Variants in CHN2 observed in about 807,000 individuals in gnomAD.
CHN2 encodes the protein beta-chimaerin.
A neutral mutation model predicts 56.3 loss-of-function variants in CHN2; 35 were observed. The observed-to-expected ratio is 0.62, with a 90% CI of 0.47 to 0.82. The LOEUF (loss-of-function observed/expected upper bound fraction) is 0.82, where lower values mean the gene tolerates loss of function less well. Ranked by LOEUF, CHN2 falls within the 40% of genes least tolerant of loss-of-function variation. The pLI is 0.00. For missense variants in CHN2, 491 were observed against 580.5 expected, an observed-to-expected ratio of 0.85 and a Z score of 1.58; for synonymous variants, 210 against 212.8, an observed-to-expected ratio of 0.99 and a Z score of 0.12.
At chr7:29,373,522 A>G (rs1392531490) in intron 3 of CHN2, among the ~76,000 whole-genome samples, 1 of 151,930 alleles carries the variant, frequency 6.6e-6, no homozygotes, top group Non-Finnish European at 1.5e-5. Context: ...ACCTTATTTT[A>G]CCTTCCAGTG....
At chr7:29,429,208 C>T (rs983897178) in intron 6 of CHN2, among the ~76,000 whole-genome samples, 21 of 152,202 alleles carry the variant, frequency 1.4e-4, no homozygotes, top group African/African-American at 4.8e-4. Context: ...ACTCAGACCA[C>T]TTCAGAAAAT....
chr7:29,298,051 T>G (rs996265268), intron 1 of CHN2, among the ~76,000 whole-genome samples: 6 of 152,166 alleles, frequency 3.9e-5, no homozygotes, highest in Non-Finnish European at 7.3e-5. Context: ...CCTTGGTGAC[T>G]TCGGCAGGCA....
chr7:29,273,333 ATATATATGTG>A (rs1253136144), intron 1 of CHN2, among the ~76,000 whole-genome samples: 65 of 91,476 alleles, frequency 7.1e-4, no homozygotes, highest in African/African-American at 4.0e-3. Context: ...ATGCATATAT[ATATATATGTG>A]TATATATATA....
intron 6 of CHN2, chr7:29,480,044 A>C: frequency 6.5e-7 from 1 of 1,534,248 alleles, no homozygotes; most frequent in Non-Finnish European, 8.8e-7. Flanking sequence ...GCGGTTCGAA[A>C]ATCCTGACAG....
At chr7:29,448,451 T>C (rs559289439) in intron 6 of CHN2, among the ~76,000 whole-genome samples, 2 of 152,274 alleles carry the variant, frequency 1.3e-5, no homozygotes, top group South Asian at 2.1e-4. Flanking sequence ...GTTTTTACTT[T>C]TAGTTTATAC....
Position 29,354,625 on chromosome 7 carries a change from A to G in CHN2, c.50A>G (p.Asp17Gly). The G allele has an allele frequency of 6.2e-7, 1 of 1,606,214 alleles. No individual in the cohort carries two copies. Among genetic ancestry groups the G allele is most frequent in the Non-Finnish European group, 8.5e-7 (1 of 1,176,982 alleles). Residue 17 changes from aspartate to glycine, a missense_variant and splice_region_variant, in exon 2 of 13, where the codon GAT (aspartate) becomes GGT (glycine). Coordinates refer to ENST00000222792, the MANE Select transcript of CHN2 (RefSeq NM_004067.4). ...ATTTCTTTTTTTTTTTTCATTCTAG[A>G]TGCTGAAGAATACCAGCCTCCTATA... ...SSLSGSSVSSDAEEYQPPIWK... is the reference protein window; with the variant it reads ...SSLSGSSVSSGAEEYQPPIWK...
At chr7:29,258,508 T>C (rs1360087601) in intron 1 of CHN2, among the ~76,000 whole-genome samples, 1 of 152,192 alleles carries the variant, frequency 6.6e-6, no homozygotes, top group Non-Finnish European at 1.5e-5. Context: ...GCCTGTTAAT[T>C]CCCTTTTCTT....
chr7:29,198,760 A>G (rs1299271313), intron 1 of CHN2, among the ~76,000 whole-genome samples: 1 of 152,176 alleles, frequency 6.6e-6, no homozygotes, highest in Non-Finnish European at 1.5e-5. Flanking sequence ...TAAAATAAGA[A>G]CTTTTTGCAT....
chr7:29,414,154 C>G (rs1803509664), intron 6 of CHN2, among the ~76,000 whole-genome samples: 1 of 152,178 alleles, frequency 6.6e-6, no homozygotes, highest in African/African-American at 2.4e-5. Flanking sequence ...TGTCTCACTT[C>G]TTCCAGTCAT....
intron 1 of CHN2, among the ~76,000 whole-genome samples, chr7:29,209,506 T>C (rs1351722402): frequency 6.6e-6 from 1 of 152,254 alleles, no homozygotes; most frequent in Non-Finnish European, 1.5e-5. Flanking sequence ...TGAAGCACTT[T>C]GTTTTATGGT....
intron 1 of CHN2, among the ~76,000 whole-genome samples, chr7:29,322,803 A>G (rs946177483): frequency 1.3e-5 from 2 of 152,194 alleles, no homozygotes; most frequent in Non-Finnish European, 2.9e-5. Flanking sequence ...CTGTGTAGCC[A>G]TGCCTAACAG....
chr7:29,477,418 G>A (rs1328318208), intron 6 of CHN2, among the ~76,000 whole-genome samples: 1 of 152,112 alleles, frequency 6.6e-6, no homozygotes, highest in South Asian at 2.1e-4. Context: ...AGACCAAAAG[G>A]AGGAGATTCT....
chr7:29,338,749 T>C (rs552512051), intron 1 of CHN2, among the ~76,000 whole-genome samples: 2 of 152,282 alleles, frequency 1.3e-5, no homozygotes, highest in African/African-American at 4.8e-5. Flanking sequence ...TGGCTAATTT[T>C]TGTATCTTTT....
At chr7:29,245,808 C>T (rs1247527356) in intron 1 of CHN2, among the ~76,000 whole-genome samples, 31 of 152,178 alleles carry the variant, frequency 2.0e-4, no homozygotes, top group African/African-American at 6.0e-4. Context: ...GCCTTTACTC[C>T]GCTCTTCAGG....
chr7:29,248,039 T>C lies in CHN2; in HGVS notation c.49+53049T>C, dbSNP rs377056277. On this transcript the variant is annotated intron_variant, in intron 1 of 12. Coordinates refer to ENST00000222792, the MANE Select transcript of CHN2 (RefSeq NM_004067.4). ...AGCTCAGAGACCAACCAGCTGGCAG[T>C]GGGTTTGAGGAGGGCTGGAGGGCGT... Among the ~76,000 whole-genome samples, 6 of 152,098 alleles carry C rather than the reference T, an allele frequency of 3.9e-5. No individual in the cohort carries two copies. In the East Asian group the frequency reaches 5.8e-4, roughly 15 times the overall value.
chr7:29,267,933 C>T (rs1394054999), intron 1 of CHN2, among the ~76,000 whole-genome samples: 1 of 152,124 alleles, frequency 6.6e-6, no homozygotes, highest in Admixed American at 6.5e-5. Flanking sequence ...TACTAAAGTC[C>T]CCAGTTAGGC....
intron 1 of CHN2, among the ~76,000 whole-genome samples, chr7:29,347,060 C>A (rs1451581035): frequency 1.3e-5 from 2 of 152,122 alleles, no homozygotes; most frequent in Middle Eastern, 3.2e-3. Flanking sequence ...TGCTTCCCTG[C>A]AAATGCATAC....
chr7:29,207,928 G>A (rs965995257), intron 1 of CHN2, among the ~76,000 whole-genome samples: 8 of 152,272 alleles, frequency 5.3e-5, no homozygotes, highest in African/African-American at 1.7e-4. Context: ...AAGAAAAAAT[G>A]CATTTGATCA....
chr7:29,244,285 C>T (rs934639969), intron 1 of CHN2, among the ~76,000 whole-genome samples: 1 of 152,170 alleles, frequency 6.6e-6, no homozygotes, highest in African/African-American at 2.4e-5. Flanking sequence ...TGGGTAACCC[C>T]TCTCATTGGC....
Sources: gnomAD v4.1 joint callset for allele counts (sites outside exome capture counted in the v4.1 genomes callset) on GRCh38, gnomAD v4.1.1 for gene constraint, MANE v1.5 for transcripts, NCBI Gene and HGNC (gene_info 2026-07-23, HGNC 2026-07-21) for gene names.